The following ENO2 variants were observed in gnomAD, a reference collection of about 807,000 sequenced individuals.
The protein encoded by ENO2 is enolase 2, also known as gamma-enolase.
A neutral mutation model predicts 48.7 loss-of-function variants in ENO2; 19 were observed. That is an observed-to-expected ratio of 0.39 (90% CI 0.27 to 0.57). ENO2 has a LOEUF of 0.57. ENO2 is among the 20% of genes least tolerant of loss of function. ENO2 has a pLI of 0.58. For synonymous variants in ENO2, 198 were observed against 213.4 expected, an observed-to-expected ratio of 0.93 and a Z score of 0.63; for missense variants, 416 against 555.0, an observed-to-expected ratio of 0.75 and a Z score of 2.52.
intron 7 of ENO2, 73 bp downstream of exon 7, chr12:6,918,235 C>A: frequency 6.6e-7 from 1 of 1,516,880 alleles, no homozygotes; most frequent in South Asian, 1.2e-5. Context: ...TGACACAGTT[C>A]ACCAAGTCCT....
chr12:6,917,439 T>C (rs1945301831), intron 5 of ENO2, 142 bp from the exon 6 acceptor site: 2 of 1,152,750 alleles, frequency 1.7e-6, no homozygotes, highest in East Asian at 2.4e-5. Context: ...CAAGAGAGCA[T>C]GGATGAGGTG....
intron 9 of ENO2, 134 bp from the exon 10 acceptor site, chr12:6,921,922 C>G: frequency 6.8e-7 from 1 of 1,479,136 alleles, no homozygotes; most frequent in Non-Finnish European, 9.3e-7. Context: ...TCACCTCTGC[C>G]CCTCCACCCC....
intron 7 of ENO2, among the ~76,000 whole-genome samples, chr12:6,918,585 C>T (rs1210173723): frequency 1.3e-5 from 2 of 151,198 alleles, no homozygotes; most frequent in Admixed American, 6.6e-5. Context: ...GTGATCGGCC[C>T]GCCTCGGCCT....
chr12:6,916,167 C>T lies in ENO2; in HGVS notation c.85+250C>T, dbSNP rs782489839. ...GCCTGTGCACTTGCATGTGTGCAGA[C>T]GTGTGCTGCAAGCAATTTTCTTTCT... On this transcript the variant is annotated intron_variant, in intron 2 of 11. Coordinates refer to ENST00000229277, the MANE Select transcript of ENO2 (RefSeq NM_001975.3). This position sits in a 1 kb window ranked among gnomAD's most constrained non-coding sequence, Gnocchi z 4.5. Among the ~76,000 whole-genome samples, 1 of 150,512 alleles carries T rather than the reference C, an allele frequency of 6.6e-6. No homozygotes were observed.
In ENO2 at chr12:6,918,008, C is replaced by T; in HGVS notation, c.513C>T (p.Leu171=). 1 of 1,614,172 alleles carries T rather than the reference C, an allele frequency of 6.2e-7. No individual in the cohort carries two copies. The highest frequency in any genetic ancestry group is 1.1e-5 in the South Asian group (1 of 91,086). ...NKLAMQEFMI[L]PVGAESFRDA... ...TGGCCATGCAGGAGTTCATGATCCT[C>T]CCAGTGGGAGCTGAGAGCTTTCGGG... The change falls in exon 7 of 12, where the codon CTC becomes CTT. Residue 171 remains leucine, a synonymous_variant. Transcript: ENST00000229277.
In ENO2 at chr12:6,915,462, C is replaced by T. The variant is rs183002343; in HGVS notation, c.-12-359C>T. ...AGAAATGCAAGCCTGGCAGCCATTC[C>T]GCTCTGAGGAGATCTGGGGGAACCC... On this transcript the variant is annotated intron_variant, in intron 1 of 11. Coordinates refer to ENST00000229277, the MANE Select transcript of ENO2 (RefSeq NM_001975.3). The T allele has an allele frequency of 2.1e-3, 493 of 237,662 alleles. 10 individuals are homozygous for T. In the East Asian group the frequency reaches 0.035, roughly 17 times the overall value. 14.7% of individuals were successfully genotyped at this position (237,662 alleles called of 1,614,324 possible).
In ENO2 at chr12:6,917,635, G is replaced by C. The variant is rs1555141735; in HGVS notation, c.365G>C (p.Gly122Ala). 6.2e-7 allele frequency: 1 copy of C among 1,613,836 alleles called. No homozygotes were observed. Among genetic ancestry groups the C allele is most frequent in the Admixed American group, 1.7e-5 (1 of 60,002 alleles). Reference sequence around the variant, plus strand: ...GTGTCTCTGGCCGTGTGTAAGGCAGGGGCAGCTGAGCGGGAACTGCCCCTG... The same window carrying C: ...GTGTCTCTGGCCGTGTGTAAGGCAGCGGCAGCTGAGCGGGAACTGCCCCTG... ...LGVSLAVCKA[G>A]AAERELPLYR... Residue 122 changes from glycine (G) to alanine (A), a missense_variant, in exon 6 of 12, where the codon GGG becomes GCG. Transcript: ENST00000229277.
chr12:6,917,518 G>C, intron 5 of ENO2, 63 bp from the exon 6 acceptor site: 1 of 1,567,440 alleles, frequency 6.4e-7, no homozygotes, highest in South Asian at 1.2e-5. Flanking sequence ...ACTACAGATG[G>C]AGGCAGGAGC....
At chr12:6,920,055 G>A (rs868980747) in intron 8 of ENO2, among the ~76,000 whole-genome samples, 12 of 152,272 alleles carry the variant, frequency 7.9e-5, no homozygotes, top group Middle Eastern at 6.8e-3. Context: ...GATGATATGA[G>A]TGTGACTGGA....
Position 6,922,822 on chromosome 12 carries a change from G to GTGGAACCTCTGTCTCATCCTCC in ENO2, c.*31_*52dup. ...GTGATTCCTCTGCTTGCCTGGAGAC[G>GTGGAACCTCTGTCTCATCCTCC]TGGAACCTCTGTCTCATCCTCCTGG... On this transcript the variant is annotated 3_prime_UTR_variant, in exon 12 of 12. Transcript: ENST00000229277. This position sits in a 1 kb window ranked among gnomAD's most constrained non-coding sequence, Gnocchi z 5.3. 1.9e-6 allele frequency: 3 copies of GTGGAACCTCTGTCTCATCCTCC among 1,613,016 alleles called. No individual in the cohort carries two copies. The highest frequency in any genetic ancestry group is 2.5e-6 in the Non-Finnish European group (3 of 1,179,174).
intron 1 of ENO2, 192 bp from the exon 2 acceptor site, chr12:6,915,629 T>G (rs1435136785): frequency 1.7e-6 from 1 of 583,568 alleles, no homozygotes; most frequent in Non-Finnish European, 3.1e-6. Flanking sequence ...GCATTGACCT[T>G]CTCCTCTTCC....
At chr12:6,918,665 CA>C (rs1945313841) in intron 7 of ENO2, among the ~76,000 whole-genome samples, 1 of 150,834 alleles carries the variant, frequency 6.6e-6, no homozygotes, top group Admixed American at 6.6e-5. Context: ...CCTGCCTAGC[CA>C]GATGTGTTAG....
intron 5 of ENO2, 122 bp downstream of exon 5, chr12:6,917,229 C>T: frequency 8.0e-7 from 1 of 1,256,948 alleles, no homozygotes; most frequent in Non-Finnish European, 1.1e-6. Flanking sequence ...GCATTCTCCT[C>T]TCAAAGCCAG....
chr12:6,915,089 C>T (rs1211464665), intron 1 of ENO2: 2 of 152,542 alleles, frequency 1.3e-5, no homozygotes, highest in African/African-American at 4.8e-5. Flanking sequence ...CGGCGCCCCT[C>T]TCCGTTCGCG....
rs890054757 is a variant in ENO2 at position 6,914,812 on chromosome 12, C to T, written c.-13+153C>T. On this transcript the variant is annotated intron_variant, in intron 1 of 11. Coordinates refer to ENST00000229277, the MANE Select transcript of ENO2 (RefSeq NM_001975.3). The surrounding 1 kb of genome is among the most constrained non-coding windows in gnomAD (Gnocchi z 7.1). Reference sequence around the variant, plus strand: ...CGCCGCCCGCGCCCAGGGCGCCTTCCCTCCCTGGCCTTCCCCGCCCGCTGC... The same window carrying T: ...CGCCGCCCGCGCCCAGGGCGCCTTCTCTCCCTGGCCTTCCCCGCCCGCTGC... Among the ~76,000 whole-genome samples the T allele has an allele frequency of 1.9e-4, 29 of 152,096 alleles. No individual in the cohort carries two copies. Among genetic ancestry groups the T allele is most frequent in the Admixed American group, 1.4e-3 (21 of 15,286 alleles).
chr12:6,917,380 T>C lies in ENO2; in HGVS notation c.311-201T>C, dbSNP rs1945301370. 4.0e-6 allele frequency: 3 copies of C among 757,104 alleles called. No homozygotes were observed. In the South Asian group the frequency reaches 5.7e-5, roughly 14 times the overall value. The allele number at this position is 757,104 out of a possible 1,614,324, so 46.9% of individuals were successfully genotyped here. A position where few individuals can be genotyped will look rare whatever the true frequency, so the allele number is the denominator to read the frequency against. ...ATATTTAGAAAGAGGTGTGGCTCTC[T>C]GCCGTTTCCAATCTCCTCCTCCCCA... On this transcript the variant is annotated intron_variant, in intron 5 of 11. Transcript: ENST00000229277.
At position 6,922,459 on chromosome 12, in the gene ENO2, T is replaced by G; in HGVS notation, c.1235+57T>G. 1 of 1,597,222 alleles carries G rather than the reference T, an allele frequency of 6.3e-7. No individual in the cohort carries two copies. The highest frequency in any genetic ancestry group is 1.1e-5 in the South Asian group (1 of 90,712). ...CAGATGGCTAAAGGCCCCATTTGCC[T>G]GCCAGACCATCTGTAGCACCAAGGG... is the stretch of plus-strand genomic sequence containing the variant. On this transcript the variant is annotated intron_variant, in intron 11 of 11. Transcript: ENST00000229277. This position sits in a 1 kb window ranked among gnomAD's most constrained non-coding sequence, Gnocchi z 5.3.
chr12:6,919,726 G>C lies in ENO2; in HGVS notation c.828G>C (p.Leu276=). ...DPSRYITGDQ[L]GALYQDFVRD... ...CCCGATACATCACTGGGGACCAGCT[G>C]GGGGCACTCTACCAGGACTTTGTCA... The change falls in exon 8 of 12, where the codon CTG becomes CTC. Residue 276 remains leucine (L), a synonymous_variant. Coordinates refer to ENST00000229277, the MANE Select transcript of ENO2 (RefSeq NM_001975.3). 1 of 1,614,026 alleles carries C rather than the reference G, an allele frequency of 6.2e-7. No individual in the cohort carries two copies. The highest frequency in any genetic ancestry group is 8.5e-7 in the Non-Finnish European group (1 of 1,180,014).
At chr12:6,920,812 C>T (rs1555142018) in intron 8 of ENO2, among the ~76,000 whole-genome samples, 1 of 146,232 alleles carries the variant, frequency 6.8e-6, no homozygotes, top group African/African-American at 2.5e-5. Flanking sequence ...CTGCATGCCT[C>T]GGCCTCCCAA....
Sources: allele counts gnomAD v4.1 joint callset (sites outside exome capture counted in the v4.1 genomes callset), GRCh38; gene constraint gnomAD v4.1.1; non-coding constraint Gnocchi (gnomAD v3.1); transcripts MANE v1.5; gene names NCBI Gene and HGNC (gene_info 2026-07-23, HGNC 2026-07-21).